Variants in INPP5B observed in about 807,000 individuals in gnomAD.
INPP5B encodes the protein type II inositol 1,4,5-trisphosphate 5-phosphatase.
INPP5B carries 90 observed loss-of-function variants against 118.5 expected under a neutral mutation model. That is an observed-to-expected ratio of 0.76 (90% CI 0.64 to 0.90). The LOEUF (loss-of-function observed/expected upper bound fraction) is 0.90, where lower values mean the gene tolerates loss of function less well. Among genes scored for constraint, INPP5B ranks in the 40% least tolerant of loss-of-function variants. INPP5B has a pLI of 0.00. For missense variants in INPP5B, 984 were observed against 1,125.6 expected (o/e 0.87, Z 1.80); for synonymous variants, 385 against 418.9 (o/e 0.92, Z 0.99).
intron 19 of INPP5B, 147 bp from the exon 20 acceptor site, chr1:37,868,761 T>C (rs1642210389): frequency 1.5e-6 from 1 of 656,798 alleles, no homozygotes; most frequent in Non-Finnish European, 2.8e-6. Flanking sequence ...AATCAGGTGG[T>C]ATGATCAAGG....
intron 8 of INPP5B, among the ~76,000 whole-genome samples, chr1:37,890,750 T>G (rs1457775545): frequency 6.6e-6 from 1 of 152,132 alleles, no homozygotes; most frequent in African/African-American, 2.4e-5. Flanking sequence ...AGACTGCCAG[T>G]TCCAAATCCT....
chr1:37,934,530 T>G (rs1645611686), intron 6 of INPP5B, among the ~76,000 whole-genome samples: 1 of 152,220 alleles, frequency 6.6e-6, no homozygotes, highest in Admixed American at 6.5e-5. Context: ...CATCAAGGAC[T>G]GGGTGGAAAA....
At chr1:37,889,749 C>G in intron 8 of INPP5B, 25 bp from the exon 9 acceptor site, 1 of 1,584,664 alleles carries the variant, frequency 6.3e-7, no homozygotes, top group South Asian at 1.1e-5. Context: ...GTATTTTTTT[C>G]ATATGTGGAT....
At position 37,875,678 on chromosome 1, in the gene INPP5B, C is replaced by T. The variant is rs1461819041; in HGVS notation, c.1716G>A (p.Leu572=). ...VVNDELYRKT[L]EEIVRSLDKM... is the part of the protein sequence containing the mutation. ...TATCCAGGGAGCGAACAATTTCCTC[C>T]AGTGTCTTCCGGTAAAGCTCGTCAT... Residue 572 remains leucine, a synonymous_variant, in exon 17 of 24, where the codon CTG becomes CTA. Transcript: ENST00000373024. The T allele has an allele frequency of 6.2e-7, 1 of 1,614,160 alleles. No individual in the cohort carries two copies. Among genetic ancestry groups the T allele is most frequent in the Admixed American group, 1.7e-5 (1 of 60,012 alleles).
intron 7 of INPP5B, among the ~76,000 whole-genome samples, chr1:37,894,138 T>C (rs1643929828): frequency 6.6e-6 from 1 of 152,220 alleles, no homozygotes; most frequent in Non-Finnish European, 1.5e-5. Flanking sequence ...CTCTTGAATC[T>C]TTTCAAACAT....
At chr1:37,899,177 C>CA (rs34526336) in intron 7 of INPP5B, among the ~76,000 whole-genome samples, 77,592 of 116,986 alleles carry the variant, frequency 0.66, 25,014 homozygotes, top group Non-Finnish European at 0.74. Flanking sequence ...GTGAAACTGT[C>CA]AAAAAAAAAA....
In INPP5B at chr1:37,862,269, G is replaced by A; in HGVS notation, c.*46C>T. Reference sequence around the variant, plus strand: ...GGCATCTCTTGAGCTGAAACAGGTGGGGCTGGTAATTGGCAGCCTCAAGTA... The same window carrying A: ...GGCATCTCTTGAGCTGAAACAGGTGAGGCTGGTAATTGGCAGCCTCAAGTA... On this transcript the variant is annotated 3_prime_UTR_variant, in exon 24 of 24. Transcript: ENST00000373024. 1 of 1,230,608 alleles carries A rather than the reference G, an allele frequency of 8.1e-7. No homozygotes were observed. The highest frequency in any genetic ancestry group is 1.2e-5 in the South Asian group (1 of 82,624). 76.2% of individuals were successfully genotyped at this position (1,230,608 alleles called of 1,614,324 possible).
chr1:37,917,336 A>ATATATATATATATATATATATATATATT (rs1644909002), intron 7 of INPP5B, among the ~76,000 whole-genome samples: 1 of 114,828 alleles, frequency 8.7e-6, no homozygotes, highest in Non-Finnish European at 1.8e-5. Flanking sequence ...ATATATATAT[A>ATATATATATATATATATATATATATATT]TATTTGAGAA....
chr1:37,898,551 C>T (rs756409071), intron 7 of INPP5B, among the ~76,000 whole-genome samples: 1 of 151,882 alleles, frequency 6.6e-6, no homozygotes, highest in African/African-American at 2.4e-5. Flanking sequence ...AATATTTAGC[C>T]GGGAGCGGTG....
chr1:37,891,188 C>G (rs1401792075), intron 8 of INPP5B, among the ~76,000 whole-genome samples, 170 bp downstream of exon 8: 1 of 148,762 alleles, frequency 6.7e-6, no homozygotes, highest in African/African-American at 2.5e-5. Flanking sequence ...GATCATGCCA[C>G]TGAACTCCAG....
rs764227212 is a variant in INPP5B at position 37,880,073 on chromosome 1, C to A, written c.1541+12G>T. ...CCGTTTGCTCAACCCTTTGAAGCAA[C>A]CTCTGACCTACCTGGTATCCCAGTC... On this transcript the variant is annotated intron_variant, in intron 15 of 23. Coordinates refer to ENST00000373024, the MANE Select transcript of INPP5B (RefSeq NM_005540.3). 6 of 1,585,672 alleles carry A rather than the reference C, an allele frequency of 3.8e-6. No individual in the cohort carries two copies. Among genetic ancestry groups the A allele is most frequent in the Non-Finnish European group, 5.2e-6 (6 of 1,156,690 alleles).
intron 7 of INPP5B, among the ~76,000 whole-genome samples, chr1:37,912,171 C>G (rs1557686882): frequency 3.3e-5 from 5 of 152,200 alleles, no homozygotes. Context: ...GCTGGATGAT[C>G]AGTTCTTGTT....
In INPP5B at chr1:37,932,038, G is replaced by A. The variant is rs777338724; in HGVS notation, c.407C>T (p.Thr136Ile). 55 of 1,599,622 alleles carry A rather than the reference G, an allele frequency of 3.4e-5. No individual in the cohort carries two copies. The highest frequency in any genetic ancestry group is 2.3e-4 in the South Asian group (21 of 90,602). The change falls in exon 7 of 24, where the codon ACC becomes ATC. Residue 136 changes from threonine to isoleucine, a missense_variant. Coordinates refer to ENST00000373024, the MANE Select transcript of INPP5B (RefSeq NM_005540.3). Reference protein sequence around the residue: ...ARACPGFDSATRDPEFLWLSR... With the variant: ...ARACPGFDSAIRDPEFLWLSR... ...CAGCCACAGGAATTCAGGATCCCGG[G>A]TCGCAGAATCGAAGCCTGTGCAGGA...
chr1:37,875,612 C>T lies in INPP5B; in HGVS notation c.1782G>A (p.Lys594=), dbSNP rs1273739500. ...CTTAACATGTCCTTCCTACCTCTCGCTTGGACAGGGACACAGAAGGAATGT... is the reference window on the plus strand; with the variant it reads ...CTTAACATGTCCTTCCTACCTCTCGTTTGGACAGGGACACAGAAGGAATGT... ...NANIPSVSLS[K]REFCFQNVKY... Residue 594 remains lysine, a synonymous_variant, in exon 17 of 24, where the codon AAG becomes AAA. Coordinates refer to ENST00000373024, the MANE Select transcript of INPP5B (RefSeq NM_005540.3). The T allele has an allele frequency of 1.9e-6, 3 of 1,612,508 alleles. No individual in the cohort carries two copies. Among genetic ancestry groups the T allele is most frequent in the East Asian group, 2.2e-5 (1 of 44,880 alleles).
chr1:37,932,363 C>CTTTTTT (rs58150703), intron 6 of INPP5B, among the ~76,000 whole-genome samples: 92 of 87,812 alleles, frequency 1.0e-3, no homozygotes, highest in Non-Finnish European at 1.3e-3. Flanking sequence ...CTTTTCTTTT[C>CTTTTTT]TTTTTTTTTT....
chr1:37,917,443 C>G (rs1167497159), intron 7 of INPP5B, among the ~76,000 whole-genome samples: 2 of 150,222 alleles, frequency 1.3e-5, no homozygotes, highest in Non-Finnish European at 3.0e-5. Context: ...CCTGCCTCAG[C>G]CTCCCGAGTA....
In INPP5B at chr1:37,937,048, C is replaced by G. The variant is rs187700559; in HGVS notation, c.391+3640G>C. Among the ~76,000 whole-genome samples the G allele has an allele frequency of 3.3e-5, 5 of 152,170 alleles. No homozygotes were observed. The East Asian group carries it at 9.7e-4, about 30-fold the overall frequency. On this transcript the variant is annotated intron_variant, in intron 6 of 23. Coordinates refer to ENST00000373024, the MANE Select transcript of INPP5B (RefSeq NM_005540.3). ...TGAGGCCAGGCCGGGCGCGGTGGCT[C>G]ACACCTGTATTCCCAGCACTTTGGG... is the stretch of plus-strand genomic sequence containing the variant.
At position 37,875,672 on chromosome 1, in the gene INPP5B, T is replaced by C; in HGVS notation, c.1722A>G (p.Glu574=). The part of the protein sequence containing the change: ...NDELYRKTLE[E]IVRSLDKMEN... ...CCATCTTATCCAGGGAGCGAACAAT[T>C]TCCTCCAGTGTCTTCCGGTAAAGCT... The change falls in exon 17 of 24, where the codon GAA becomes GAG. Residue 574 remains glutamate (E), a synonymous_variant. Coordinates refer to ENST00000373024, the MANE Select transcript of INPP5B (RefSeq NM_005540.3). 6.2e-7 allele frequency: 1 copy of C among 1,614,174 alleles called. No homozygotes were observed. Among genetic ancestry groups the C allele is most frequent in the Non-Finnish European group, 8.5e-7 (1 of 1,180,004 alleles).
intron 7 of INPP5B, among the ~76,000 whole-genome samples, chr1:37,901,340 T>C (rs1330063649): frequency 6.6e-6 from 1 of 152,202 alleles, no homozygotes; most frequent in Non-Finnish European, 1.5e-5. Context: ...GGTCTCGGTT[T>C]CTTCATCTAT....
Sources: gnomAD v4.1 joint callset for allele counts (sites outside exome capture counted in the v4.1 genomes callset) on GRCh38, gnomAD v4.1.1 for gene constraint, MANE v1.5 for transcripts, NCBI Gene and HGNC (gene_info 2026-07-23, HGNC 2026-07-21) for gene names.